The following CSMD1 variants were observed in gnomAD, a reference collection of about 807,000 sequenced individuals.
CSMD1 encodes CUB and sushi domain-containing protein 1.
A neutral mutation model predicts 417.5 loss-of-function variants in CSMD1; 213 were observed. That is an observed-to-expected ratio of 0.51 (90% CI 0.46 to 0.57). The LOEUF (loss-of-function observed/expected upper bound fraction) is 0.57. Among genes scored for constraint, CSMD1 ranks in the 20% least tolerant of loss-of-function variants. CSMD1 has a pLI of 0.00. For synonymous variants in CSMD1, 2,862 were observed against 1,736.8 expected, an observed-to-expected ratio of 1.65 and a Z score of -16.11; for missense variants, 6,923 against 4,529.7, an observed-to-expected ratio of 1.53 and a Z score of -15.17.
intron 3 of CSMD1, among the ~76,000 whole-genome samples, chr8:4,164,413 A>G (rs892538326): frequency 2.0e-5 from 3 of 152,164 alleles, no homozygotes; most frequent in South Asian, 4.1e-4. Flanking sequence ...TGATGCTAAT[A>G]TCCTTGAGGG....
At chr8:3,731,658 G>A (rs559103537) in intron 6 of CSMD1, among the ~76,000 whole-genome samples, 2 of 152,190 alleles carry the variant, frequency 1.3e-5, no homozygotes, top group Admixed American at 6.5e-5. Context: ...AATTATGCTC[G>A]GTACTGGGAG....
intron 52 of CSMD1, among the ~76,000 whole-genome samples, chr8:3,010,890 C>G (rs1441347103): frequency 3.9e-5 from 6 of 151,904 alleles, no homozygotes. Flanking sequence ...ATTACTGGTG[C>G]CCACCATTAT....
intron 5 of CSMD1, among the ~76,000 whole-genome samples, chr8:3,910,495 A>G (rs1255783132): frequency 2.0e-5 from 3 of 152,238 alleles, no homozygotes; most frequent in Non-Finnish European, 4.4e-5. Context: ...AAAGTGAACC[A>G]AGTAAACATT....
rs1473075537 is a variant in CSMD1 at position 4,707,884 on chromosome 8, T to C, written c.86-70326A>G. Reference sequence around the variant, plus strand: ...CCTGGGGACAAGAGCAAGACTTTGTTTCAAAAAAAAAAAAAAAAAAAAAAA... The same window carrying C: ...CCTGGGGACAAGAGCAAGACTTTGTCTCAAAAAAAAAAAAAAAAAAAAAAA... On this transcript the variant is annotated intron_variant, in intron 1 of 69. Coordinates refer to ENST00000635120, the MANE Select transcript of CSMD1 (RefSeq NM_033225.6). Among the ~76,000 whole-genome samples, 36 of 73,608 alleles carry C rather than the reference T, an allele frequency of 4.9e-4. 1 individual carries two copies. The highest frequency in any genetic ancestry group is 1.7e-3 in the African/African-American group (31 of 18,018). The allele number at this position is 73,608 out of a possible 152,430, so 48.3% of individuals were successfully genotyped here. A position where few individuals can be genotyped will look rare whatever the true frequency, so the allele number is the denominator to read the frequency against.
intron 1 of CSMD1, among the ~76,000 whole-genome samples, chr8:4,959,747 G>C (rs974539867): frequency 6.6e-6 from 1 of 152,174 alleles, no homozygotes; most frequent in Admixed American, 6.5e-5. Context: ...ACTTACACCA[G>C]AAGTCTTCCT....
chr8:3,446,282 A>G (rs1365717310), intron 12 of CSMD1, among the ~76,000 whole-genome samples: 1 of 152,218 alleles, frequency 6.6e-6, no homozygotes, highest in Non-Finnish European at 1.5e-5. Flanking sequence ...TGCATGGGCT[A>G]TTGTAAAATT....
At chr8:3,665,497 C>A (rs1435745749) in intron 7 of CSMD1, among the ~76,000 whole-genome samples, 6 of 152,124 alleles carry the variant, frequency 3.9e-5, no homozygotes, top group African/African-American at 1.4e-4. Context: ...CCACTGCACT[C>A]CAGCCTGGGC....
At chr8:4,802,336 A>G (rs1312071525) in intron 1 of CSMD1, among the ~76,000 whole-genome samples, 1 of 145,070 alleles carries the variant, frequency 6.9e-6, no homozygotes, top group Non-Finnish European at 1.5e-5. Context: ...GAACAAGCAA[A>G]ATGAGTGTGT....
chr8:3,101,793 CTTTT>C lies in CSMD1; in HGVS notation c.6949+4731_6949+4734del, dbSNP rs1815769105. Among the ~76,000 whole-genome samples the C allele has an allele frequency of 4.0e-5, 5 of 125,972 alleles. No homozygotes were observed. In the South Asian group the frequency reaches 8.0e-4, roughly 20 times the overall value. 82.6% of individuals were successfully genotyped at this position (125,972 alleles called of 152,430 possible). A position where few individuals can be genotyped will look rare whatever the true frequency, so the allele number is the denominator to read the frequency against. The stretch of plus-strand genomic sequence containing the variant: ...AAATTGGTGATAATTTTGTTTCTTT[CTTTT>C]TCTTTTTTTTTTTTTTTTTTTTTAG... On this transcript the variant is annotated intron_variant, in intron 46 of 69. Coordinates refer to ENST00000635120, the MANE Select transcript of CSMD1 (RefSeq NM_033225.6).
rs1194295026 is a variant in CSMD1 at position 4,650,319 on chromosome 8, T to C, written c.86-12761A>G. 4.8e-5 allele frequency among the ~76,000 whole-genome samples: 6 copies of C among 123,992 alleles called. No homozygotes were observed. The East Asian group carries it at 1.4e-3, about 30-fold the overall frequency. The allele number at this position is 123,992 out of a possible 152,430, so 81.3% of individuals were successfully genotyped here. On this transcript the variant is annotated intron_variant, in intron 1 of 69. Coordinates refer to ENST00000635120, the MANE Select transcript of CSMD1 (RefSeq NM_033225.6). Reference sequence around the variant, plus strand: ...TAGATGGTGCCACTGCACTCCAGCCTGGGCAGCAGTACGAGACTCCGTCTC... The same window carrying C: ...TAGATGGTGCCACTGCACTCCAGCCCGGGCAGCAGTACGAGACTCCGTCTC...
At chr8:4,154,246 G>C (rs2680609) in intron 3 of CSMD1, among the ~76,000 whole-genome samples, 35,581 of 152,050 alleles carry the variant, frequency 0.23, 5,030 homozygotes, top group East Asian at 0.43. Context: ...ATGAAATAAA[G>C]TTTCTGGCAA....
intron 1 of CSMD1, among the ~76,000 whole-genome samples, chr8:4,760,872 G>A (rs1811994876): frequency 6.6e-6 from 1 of 152,150 alleles, no homozygotes; most frequent in Admixed American, 6.6e-5. Context: ...TACAACTCAT[G>A]TCATGACCTT....
intron 3 of CSMD1, among the ~76,000 whole-genome samples, chr8:4,296,099 C>T (rs1210153351): frequency 6.6e-6 from 1 of 152,028 alleles, no homozygotes; most frequent in Non-Finnish European, 1.5e-5. Flanking sequence ...TTTCTCTTTG[C>T]AAGGAGAGAA....
In CSMD1 at chr8:3,359,218, C is replaced by T; in HGVS notation, c.3238G>A (p.Ala1080Thr). The change falls in exon 21 of 70, where the codon GCC (alanine) becomes ACC (threonine). Residue 1080 changes from alanine (A) to threonine (T), a missense_variant. Coordinates refer to ENST00000635120, the MANE Select transcript of CSMD1 (RefSeq NM_033225.6). ...CCACCCAGGCAGGTAAGCTTGGTGG[C>T]ACCTTCTAAACGATATCCCAGGAAG... ...SCFLGYRLEG[A>T]TKLTCLGGGR... 6.2e-7 allele frequency: 1 copy of T among 1,613,906 alleles called. No homozygotes were observed. Among genetic ancestry groups the T allele is most frequent in the South Asian group, 1.1e-5 (1 of 91,078 alleles).
chr8:4,325,687 G>T (rs1394474), intron 3 of CSMD1, among the ~76,000 whole-genome samples: 28,884 of 152,024 alleles, frequency 0.19, 3,754 homozygotes, highest in African/African-American at 0.36. Context: ...GCCAGAAAGC[G>T]AGATGCAGGA....
At chr8:3,312,649 G>A (rs1805438984) in intron 23 of CSMD1, among the ~76,000 whole-genome samples, 1 of 152,148 alleles carries the variant, frequency 6.6e-6, no homozygotes, top group Non-Finnish European at 1.5e-5. Flanking sequence ...TACCTTGAAG[G>A]ACTAGAGAAA....
intron 1 of CSMD1, among the ~76,000 whole-genome samples, chr8:4,810,725 T>G (rs1798848697): frequency 6.6e-6 from 1 of 152,208 alleles, no homozygotes; most frequent in African/African-American, 2.4e-5. Flanking sequence ...TTTTCATAAT[T>G]CATATGTAAC....
intron 8 of CSMD1, among the ~76,000 whole-genome samples, chr8:3,604,471 C>A (rs9644345): frequency 6.6e-6 from 1 of 151,846 alleles, no homozygotes; most frequent in Non-Finnish European, 1.5e-5. Context: ...ATGGAAAACA[C>A]GAGAAGGATC....
At chr8:4,655,358 A>G (rs1374784676) in intron 1 of CSMD1, among the ~76,000 whole-genome samples, 1 of 152,064 alleles carries the variant, frequency 6.6e-6, no homozygotes, top group Non-Finnish European at 1.5e-5. Context: ...AAGGTTTGAA[A>G]GTGGCTTCCA....
Sources: gnomAD v4.1 joint callset for allele counts (sites outside exome capture counted in the v4.1 genomes callset) on GRCh38, gnomAD v4.1.1 for gene constraint, MANE v1.5 for transcripts, NCBI Gene and HGNC (gene_info 2026-07-23, HGNC 2026-07-21) for gene names.